Variants in SULF1 observed in about 807,000 individuals in gnomAD.
SULF1 encodes extracellular sulfatase Sulf-1.
Under a neutral mutation model 110.5 loss-of-function variants are expected in SULF1, and 46 were observed. The ratio of observed to expected loss-of-function variants is 0.42; its 90% confidence interval spans 0.33 to 0.53. The LOEUF (loss-of-function observed/expected upper bound fraction) is 0.53. SULF1 is among the 20% of genes least tolerant of loss of function. SULF1 has a pLI of 0.12. For missense variants in SULF1, 941 were observed against 1,094.2 expected (o/e 0.86, Z 1.98); for synonymous variants, 371 against 387.1 (o/e 0.96, Z 0.49).
intron 11 of SULF1, 28 bp downstream of exon 11, chr8:69,603,348 G>A (rs1807985020): frequency 2.5e-6 from 4 of 1,613,610 alleles, no homozygotes; most frequent in Non-Finnish European, 3.4e-6. Flanking sequence ...CTCTCAGCCA[G>A]CCCCAAATAC....
chr8:69,616,202 A>G (rs1269931696), intron 13 of SULF1, among the ~76,000 whole-genome samples: 7 of 140,592 alleles, frequency 5.0e-5, no homozygotes, highest in African/African-American at 1.3e-4. Context: ...ACACATATAT[A>G]TGTGTGTGTA....
Position 69,660,011 on chromosome 8 carries a change from G to A in SULF1, c.*1476G>A, listed in dbSNP as rs1813007766. Reference sequence around the variant, plus strand: ...CTAAAATCGATTAGCAGAAAGGCATGGCTAATAATGTTGGTGGTGAAAATA... The same window carrying A: ...CTAAAATCGATTAGCAGAAAGGCATAGCTAATAATGTTGGTGGTGAAAATA... On this transcript the variant is annotated 3_prime_UTR_variant, in exon 23 of 23. Coordinates refer to ENST00000402687, the MANE Select transcript of SULF1 (RefSeq NM_001128205.2). 2.0e-5 allele frequency: 3 copies of A among 152,620 alleles called. No homozygotes were observed. The highest frequency in any genetic ancestry group is 7.2e-5 in the African/African-American group (3 of 41,520). 9.5% of individuals were successfully genotyped at this position (152,620 alleles called of 1,614,324 possible).
intron 13 of SULF1, among the ~76,000 whole-genome samples, chr8:69,607,139 T>G (rs1808277813): frequency 6.6e-6 from 1 of 152,198 alleles, no homozygotes; most frequent in Non-Finnish European, 1.5e-5. Context: ...ACCTTCTGAA[T>G]CAGAACCCCT....
chr8:69,578,656 A>G (rs1368422174), intron 6 of SULF1, among the ~76,000 whole-genome samples: 1 of 151,674 alleles, frequency 6.6e-6, no homozygotes, highest in African/African-American at 2.4e-5. Flanking sequence ...TGTTACCTCA[A>G]TGGACTGTCA....
At position 69,552,963 on chromosome 8, in the gene SULF1, G is replaced by A. The variant is rs114717739; in HGVS notation, c.-133-10576G>A. ...CTAAACTAAACAGGTGGCCTAGTGA[G>A]TCCCTTGTTACCTACACAGGGACAC... is the stretch of plus-strand genomic sequence containing the variant. On this transcript the variant is annotated intron_variant, in intron 3 of 22. Transcript: ENST00000402687. Among the ~76,000 whole-genome samples the A allele has an allele frequency of 3.9e-3, 593 of 152,326 alleles. 5 individuals are homozygous for A. Among genetic ancestry groups the A allele is most frequent in the African/African-American group, 0.014 (574 of 41,566 alleles).
intron 3 of SULF1, among the ~76,000 whole-genome samples, chr8:69,543,834 T>A (rs750019554): frequency 6.6e-6 from 1 of 152,224 alleles, no homozygotes; most frequent in Non-Finnish European, 1.5e-5. Context: ...AGATGTGAAC[T>A]ACAGGTGTAC....
intron 3 of SULF1, among the ~76,000 whole-genome samples, chr8:69,527,435 G>A (rs919601854): frequency 1.3e-5 from 2 of 152,166 alleles, no homozygotes; most frequent in Middle Eastern, 6.8e-3. Context: ...CCAGAGGAAA[G>A]AACTAGAGGT....
chr8:69,628,922 A>C (rs1217334067), intron 18 of SULF1, among the ~76,000 whole-genome samples: 1 of 152,176 alleles, frequency 6.6e-6, no homozygotes, highest in East Asian at 1.9e-4. Context: ...CATTCACATT[A>C]ACATTTATTT....
intron 5 of SULF1, among the ~76,000 whole-genome samples, chr8:69,565,240 A>G (rs1397536303): frequency 1.3e-5 from 2 of 151,016 alleles, no homozygotes; most frequent in East Asian, 3.9e-4. Flanking sequence ...TTTTTTTTTA[A>G]CAAGGGTATT....
intron 1 of SULF1, among the ~76,000 whole-genome samples, chr8:69,475,982 G>C (rs1809285770): frequency 6.6e-6 from 1 of 152,068 alleles, no homozygotes; most frequent in South Asian, 2.1e-4. Context: ...ACGGATATTC[G>C]AGTCAAAATA....
In SULF1 at chr8:69,658,511, G is replaced by A. The variant is rs1812888759; in HGVS notation, c.2592G>A (p.Gln864=). The A allele has an allele frequency of 1.2e-6, 2 of 1,603,596 alleles. No homozygotes were observed. The highest frequency in any genetic ancestry group is 1.7e-6 in the Non-Finnish European group (2 of 1,174,582). The part of the protein sequence containing the change: ...DGGSYDLHRG[Q]LWDGWEG Reference sequence around the variant, plus strand: ...TTCTTCTCTCTTTTCACAGAGGACAGTTATGGGATGGATGGGAAGGTTAAT... The same window carrying A: ...TTCTTCTCTCTTTTCACAGAGGACAATTATGGGATGGATGGGAAGGTTAAT... Residue 864 remains glutamine (Q), a synonymous_variant, in exon 23 of 23, where the codon CAG becomes CAA. Transcript: ENST00000402687.
chr8:69,526,958 T>G (rs574349793), intron 3 of SULF1, among the ~76,000 whole-genome samples: 2 of 152,194 alleles, frequency 1.3e-5, no homozygotes, highest in Admixed American at 1.3e-4. Context: ...ATAGAAAAAA[T>G]AATAATAGAC....
chr8:69,485,294 C>T (rs966938871), intron 1 of SULF1, among the ~76,000 whole-genome samples: 16 of 152,330 alleles, frequency 1.1e-4, no homozygotes, highest in African/African-American at 3.4e-4. Context: ...TTGTTCTACC[C>T]TGTGCATTCC....
At chr8:69,625,641 C>T (rs1044916104) in intron 15 of SULF1, among the ~76,000 whole-genome samples, 1 of 152,146 alleles carries the variant, frequency 6.6e-6, no homozygotes, top group East Asian at 1.9e-4. Flanking sequence ...CCAGTGGGCT[C>T]GTGGTCTCGC....
intron 22 of SULF1, among the ~76,000 whole-genome samples, chr8:69,643,172 A>G (rs1811618983): frequency 6.6e-6 from 1 of 152,262 alleles, no homozygotes; most frequent in African/African-American, 2.4e-5. Context: ...TTCTCAGAAA[A>G]TATCTGCCTA....
At position 69,640,851 on chromosome 8, in the gene SULF1, CT is replaced by C. The variant is rs771734280; in HGVS notation, c.2585+16del. 10 of 1,607,316 alleles carry C rather than the reference CT, an allele frequency of 6.2e-6. No homozygotes were observed. In the South Asian group the frequency reaches 1.1e-4, roughly 18 times the overall value. On this transcript the variant is annotated intron_variant, in intron 22 of 22. Transcript: ENST00000402687. ...GCTATGACCTACACAGGTATTCACA[CT>C]TTTTTATTCTTCTCAACAGCTTCTT...
chr8:69,627,967 A>ATT, intron 17 of SULF1, 101 bp downstream of exon 17: 2 of 958,370 alleles, frequency 2.1e-6, no homozygotes, highest in South Asian at 3.0e-5. Flanking sequence ...TATAGAATGT[A>ATT]TTGTCATAGA....
At chr8:69,511,684 G>T (rs1161194869) in intron 3 of SULF1, among the ~76,000 whole-genome samples, 1 of 152,194 alleles carries the variant, frequency 6.6e-6, no homozygotes, top group Non-Finnish European at 1.5e-5. Context: ...TGGTGCATTT[G>T]TTACAATTGA....
At position 69,647,142 on chromosome 8, in the gene SULF1, AC is replaced by A. The variant is rs369227628; in HGVS notation, c.2585+6303del. Among the ~76,000 whole-genome samples, 1,009 of 151,736 alleles carry A rather than the reference AC, an allele frequency of 6.6e-3. 8 individuals are homozygous for A. The highest frequency in any genetic ancestry group is 0.023 in the African/African-American group (967 of 41,336). On this transcript the variant is annotated intron_variant, in intron 22 of 22. Coordinates refer to ENST00000402687, the MANE Select transcript of SULF1 (RefSeq NM_001128205.2). ...GTATTTTTAGTAGAGATGGGGTTTC[AC>A]CATGTTCGTCAGGCTGGTCTCGAAC...
Sources: gnomAD v4.1 joint callset for allele counts (sites outside exome capture counted in the v4.1 genomes callset) on GRCh38, gnomAD v4.1.1 for gene constraint, MANE v1.5 for transcripts, NCBI Gene and HGNC (gene_info 2026-07-23, HGNC 2026-07-21) for gene names.